MAGI3: variants seen among roughly 807,000 people sequenced by gnomAD.
The protein encoded by MAGI3 is membrane associated guanylate kinase, WW and PDZ domain containing 3, also known as membrane-associated guanylate kinase, WW and PDZ domain-containing protein 3.
In MAGI3, 43 loss-of-function variants were observed where a neutral mutation model predicts 121.8. The ratio of observed to expected loss-of-function variants is 0.35; its 90% CI spans 0.28 to 0.46. The LOEUF is 0.46. MAGI3 is among the 20% of genes least tolerant of loss of function. The probability of loss-of-function intolerance (pLI) is 1.00; values close to 1 mark genes in which losing one functional copy is unlikely to be tolerated. For synonymous variants in MAGI3, 553 were observed against 639.3 expected, an observed-to-expected ratio of 0.86 and a Z score of 2.04; for missense variants, 1,547 against 1,797.3, an observed-to-expected ratio of 0.86 and a Z score of 2.52.
At chr1:113,528,730 C>A (rs752608738) in intron 1 of MAGI3, among the ~76,000 whole-genome samples, 1 of 151,942 alleles carries the variant, frequency 6.6e-6, no homozygotes, top group African/African-American at 2.4e-5. Flanking sequence ...GAATTTTGCA[C>A]CTGGAAATGA....
chr1:113,487,257 G>A (rs1656425426), intron 1 of MAGI3, among the ~76,000 whole-genome samples: 1 of 152,224 alleles, frequency 6.6e-6, no homozygotes, highest in African/African-American at 2.4e-5. Context: ...TTTTAACAAA[G>A]TGCAGTGAAA....
Position 113,390,882 on chromosome 1 carries a change from C to T in MAGI3, c.-152C>T, listed in dbSNP as rs1650746815. ...TCGCGTCTGGGAACGGCCGGGCCCC[C>T]AGCGGGCTGTGGTCGCGGGGTGGGG... is the stretch of plus-strand genomic sequence containing the variant. On this transcript the variant is annotated 5_prime_UTR_variant, in exon 1 of 21. Coordinates refer to ENST00000307546, the MANE Select transcript of MAGI3 (RefSeq NM_001142782.2). 7.5e-6 allele frequency: 3 copies of T among 402,116 alleles called. No individual in the cohort carries two copies. The highest frequency in any genetic ancestry group is 3.9e-6 in the Non-Finnish European group (1 of 256,822). 24.9% of individuals were successfully genotyped at this position (402,116 alleles called of 1,614,324 possible). A position where few individuals can be genotyped will look rare whatever the true frequency, so the allele number is the denominator to read the frequency against.
chr1:113,530,914 T>G (rs987686565), intron 1 of MAGI3, among the ~76,000 whole-genome samples: 17 of 150,972 alleles, frequency 1.1e-4, no homozygotes, highest in Non-Finnish European at 2.4e-4. Flanking sequence ...AGCCCCTGTC[T>G]CAAAAAAAGA....
At chr1:113,441,854 T>C (rs1046618275) in intron 1 of MAGI3, among the ~76,000 whole-genome samples, 2 of 152,212 alleles carry the variant, frequency 1.3e-5, no homozygotes, top group African/African-American at 2.4e-5. Flanking sequence ...GTATTAATTT[T>C]CTTTTTAATA....
chr1:113,594,290 C>T lies in MAGI3; in HGVS notation c.939-191C>T, dbSNP rs868117734. The stretch of plus-strand genomic sequence containing the variant: ...CTCAAGTTAGTGCCTCTAGCATTAC[C>T]ATTCCTTTATGGAAATTTTGAAGTA... On this transcript the variant is annotated intron_variant, in intron 5 of 20. Coordinates refer to ENST00000307546, the MANE Select transcript of MAGI3 (RefSeq NM_001142782.2). Among the ~76,000 whole-genome samples, 5 of 152,324 alleles carry T rather than the reference C, an allele frequency of 3.3e-5. No individual in the cohort carries two copies. The Middle Eastern group carries it at 0.01, about 311-fold the overall frequency.
intron 6 of MAGI3, among the ~76,000 whole-genome samples, chr1:113,612,691 C>G (rs912676941): frequency 1.3e-5 from 2 of 152,088 alleles, no homozygotes; most frequent in African/African-American, 4.8e-5. Flanking sequence ...TAAAGTAACC[C>G]AGAAGATAAA....
rs771051347 is a variant in MAGI3 at position 113,651,166 on chromosome 1, C to T, written c.2400C>T (p.Gly800=). ...LDLMTTAARN[G]HVLLTVRRKI... ...TCATGACAACTGCTGCTCGAAATGG[C>T]CATGTGTTACTAACTGTCAGACGGA... is the stretch of plus-strand genomic sequence containing the variant. The change falls in exon 14 of 21, where the codon GGC becomes GGT. Residue 800 remains glycine, a synonymous_variant. Coordinates refer to ENST00000307546, the MANE Select transcript of MAGI3 (RefSeq NM_001142782.2). The T allele has an allele frequency of 8.1e-6, 13 of 1,613,652 alleles. No homozygotes were observed. In the South Asian group the frequency reaches 1.2e-4, roughly 15 times the overall value.
At chr1:113,456,392 T>C (rs1451569648) in intron 1 of MAGI3, among the ~76,000 whole-genome samples, 1 of 152,196 alleles carries the variant, frequency 6.6e-6, no homozygotes, top group Non-Finnish European at 1.5e-5. Flanking sequence ...ATTTTCTATA[T>C]CCAACTGTTT....
chr1:113,590,748 T>C (rs1013750918), intron 5 of MAGI3, 90 bp downstream of exon 5: 1 of 1,164,560 alleles, frequency 8.6e-7, no homozygotes, highest in Non-Finnish European at 1.2e-6. Context: ...ACACATACCT[T>C]TTTCAGAAGA....
chr1:113,564,398 A>G lies in MAGI3; in HGVS notation c.433+14767A>G, dbSNP rs1221446331. ...GACTGTTATGGCAGTAGTTATGGCT[A>G]CGAACACTGTAGTTTAGGATAGATT... is the stretch of plus-strand genomic sequence containing the variant. On this transcript the variant is annotated intron_variant, in intron 2 of 20. Transcript: ENST00000307546. Among the ~76,000 whole-genome samples the G allele has an allele frequency of 2.0e-5, 3 of 152,350 alleles. No individual in the cohort carries two copies. The East Asian group carries it at 5.8e-4, about 29-fold the overall frequency.
chr1:113,453,580 G>A (rs1654591664), intron 1 of MAGI3, among the ~76,000 whole-genome samples: 2 of 152,178 alleles, frequency 1.3e-5, no homozygotes, highest in African/African-American at 4.8e-5. Context: ...AACAGAATGT[G>A]AAGACATACT....
chr1:113,640,469 G>A (rs969093945), intron 9 of MAGI3, among the ~76,000 whole-genome samples: 1 of 152,062 alleles, frequency 6.6e-6, no homozygotes, highest in African/African-American at 2.4e-5. Context: ...AGCAAAGACA[G>A]GAACCAACCC....
intron 1 of MAGI3, among the ~76,000 whole-genome samples, chr1:113,536,628 C>CT (rs766559948): frequency 0.073 from 10,575 of 145,750 alleles, 385 homozygotes; most frequent in African/African-American, 0.086. Context: ...TTACTTTTTT[C>CT]TTTTTTTTTT....
At chr1:113,536,148 T>TTTG in intron 1 of MAGI3, among the ~76,000 whole-genome samples, 1 of 77,438 alleles carries the variant, frequency 1.3e-5, no homozygotes, top group Non-Finnish European at 3.1e-5. Flanking sequence ...ACATGTGTTT[T>TTTG]TTTTTTTTTT....
intron 1 of MAGI3, among the ~76,000 whole-genome samples, chr1:113,484,399 C>T (rs1346231924): frequency 6.6e-6 from 1 of 152,056 alleles, no homozygotes; most frequent in Non-Finnish European, 1.5e-5. Context: ...TCCCTTGCCA[C>T]CCCTCACCCT....
At chr1:113,454,677 G>A (rs1178793393) in intron 1 of MAGI3, among the ~76,000 whole-genome samples, 2 of 151,892 alleles carry the variant, frequency 1.3e-5, no homozygotes, top group African/African-American at 2.4e-5. Flanking sequence ...CCCGGTGTAT[G>A]ATGTTCCCCT....
intron 1 of MAGI3, among the ~76,000 whole-genome samples, chr1:113,532,453 A>G (rs1658772993): frequency 6.6e-6 from 1 of 152,018 alleles, no homozygotes; most frequent in Non-Finnish European, 1.5e-5. Context: ...TGGTAACAAC[A>G]TTTAAGACAA....
chr1:113,649,257 G>A lies in MAGI3; in HGVS notation c.2176G>A (p.Asp726Asn). The A allele has an allele frequency of 1.2e-6, 2 of 1,613,024 alleles. No homozygotes were observed. Among genetic ancestry groups the A allele is most frequent in the Non-Finnish European group, 1.7e-6 (2 of 1,179,556 alleles). ...CTCAGCACCAAACACCAAAGATTTG[G>A]ATGTTTTTCTTCGAAAACAAGAGTC... Reference protein sequence around the residue: ...EDKPPNTKDLDVFLRKQESGF... With the variant: ...EDKPPNTKDLNVFLRKQESGF... The change falls in exon 13 of 21, where the codon GAT (aspartate) becomes AAT (asparagine). Residue 726 changes from aspartate to asparagine, a missense_variant. Asp to Asn is a conservative substitution (Grantham distance 23, BLOSUM62 1). Coordinates refer to ENST00000307546, the MANE Select transcript of MAGI3 (RefSeq NM_001142782.2).
intron 1 of MAGI3, among the ~76,000 whole-genome samples, chr1:113,411,899 A>T (rs1652012941): frequency 6.6e-6 from 1 of 152,098 alleles, no homozygotes; most frequent in Admixed American, 6.6e-5. Flanking sequence ...TTATACGTTA[A>T]GTTCTGGGGT....
Sources: allele counts gnomAD v4.1 joint callset (sites outside exome capture counted in the v4.1 genomes callset), GRCh38; gene constraint gnomAD v4.1.1; transcripts MANE v1.5; gene names NCBI Gene and HGNC (gene_info 2026-07-23, HGNC 2026-07-21).